LRMDA: variants seen among roughly 807,000 people sequenced by gnomAD.
LRMDA encodes leucine rich melanocyte differentiation associated, also known as leucine-rich melanocyte differentiation-associated protein.
Under a neutral mutation model 29.8 loss-of-function variants are expected in LRMDA, and 18 were observed. The ratio of observed to expected loss-of-function variants is 0.60; its 90% confidence interval spans 0.42 to 0.90. The LOEUF is 0.90. Ranked by LOEUF, LRMDA falls within the 40% of genes least tolerant of loss-of-function variation. The pLI is 0.00. For missense variants in LRMDA, 273 were observed against 273.9 expected, an observed-to-expected ratio of 1.00 and a Z score of 0.02; for synonymous variants, 125 against 109.4, an observed-to-expected ratio of 1.14 and a Z score of -0.89.
chr10:76,324,833 C>T (rs530410408), intron 6 of LRMDA, among the ~76,000 whole-genome samples: 1 of 151,928 alleles, frequency 6.6e-6, no homozygotes, highest in Non-Finnish European at 1.5e-5. Context: ...ATAAAAGTAT[C>T]GTTGTTTGAG....
intron 2 of LRMDA, among the ~76,000 whole-genome samples, chr10:75,545,206 GA>G (rs1840063784): frequency 6.6e-6 from 1 of 152,068 alleles, no homozygotes; most frequent in Non-Finnish European, 1.5e-5. Flanking sequence ...TATCACGTCT[GA>G]AATGTCTTTT....
intron 6 of LRMDA, among the ~76,000 whole-genome samples, chr10:76,514,961 A>C (rs1179763204): frequency 6.6e-6 from 1 of 152,208 alleles, no homozygotes; most frequent in African/African-American, 2.4e-5. Flanking sequence ...AAAACTGCTA[A>C]TAAATGGATG....
At chr10:75,908,007 T>G (rs1241078915) in intron 2 of LRMDA, among the ~76,000 whole-genome samples, 1 of 152,134 alleles carries the variant, frequency 6.6e-6, no homozygotes, top group African/African-American at 2.4e-5. Flanking sequence ...ATGGTGGTGA[T>G]GAGTTGGAGG....
intron 2 of LRMDA, among the ~76,000 whole-genome samples, chr10:76,035,573 T>C (rs1428638048): frequency 6.6e-6 from 1 of 152,202 alleles, no homozygotes; most frequent in African/African-American, 2.4e-5. Flanking sequence ...GGGTATGATA[T>C]TTCTGGGCAG....
intron 2 of LRMDA, among the ~76,000 whole-genome samples, chr10:75,547,832 T>C (rs1840097369): frequency 1.3e-5 from 2 of 152,170 alleles, no homozygotes; most frequent in African/African-American, 4.8e-5. Flanking sequence ...TGGTCTGTGA[T>C]CACAATTGTG....
At chr10:76,511,736 A>G (rs1843010818) in intron 6 of LRMDA, among the ~76,000 whole-genome samples, 2 of 151,878 alleles carry the variant, frequency 1.3e-5, no homozygotes, top group South Asian at 2.1e-4. Flanking sequence ...GAGCAAAATA[A>G]TAGAAAGTCC....
intron 6 of LRMDA, among the ~76,000 whole-genome samples, chr10:76,340,786 G>A (rs764764422): frequency 5.9e-5 from 9 of 152,002 alleles, no homozygotes; most frequent in African/African-American, 1.4e-4. Flanking sequence ...AACACAGAGC[G>A]CAATAAAGAT....
chr10:75,828,232 C>T (rs1844279444), intron 2 of LRMDA, among the ~76,000 whole-genome samples: 1 of 152,174 alleles, frequency 6.6e-6, no homozygotes, highest in Admixed American at 6.5e-5. Context: ...AGTAGATTCT[C>T]TTCAACAGAG....
At chr10:75,716,125 C>G (rs1842496823) in intron 2 of LRMDA, among the ~76,000 whole-genome samples, 2 of 152,208 alleles carry the variant, frequency 1.3e-5, no homozygotes, top group Admixed American at 1.3e-4. Flanking sequence ...TAGGGTTGCA[C>G]ATGAATTTCC....
At chr10:75,947,429 G>A (rs1846495545) in intron 2 of LRMDA, among the ~76,000 whole-genome samples, 1 of 152,148 alleles carries the variant, frequency 6.6e-6, no homozygotes, top group Non-Finnish European at 1.5e-5. Context: ...CAGCCATCCT[G>A]ACAGCAGTGC....
At chr10:75,689,390 C>T (rs761075401) in intron 2 of LRMDA, among the ~76,000 whole-genome samples, 18 of 152,178 alleles carry the variant, frequency 1.2e-4, no homozygotes, top group African/African-American at 3.4e-4. Context: ...GTAGGTTCTT[C>T]GAGGCTGACC....
At chr10:75,651,839 T>G (rs1225198447) in intron 2 of LRMDA, among the ~76,000 whole-genome samples, 1 of 152,188 alleles carries the variant, frequency 6.6e-6, no homozygotes, top group Non-Finnish European at 1.5e-5. Flanking sequence ...AGATATGGTA[T>G]GAGCCCCTAA....
chr10:76,163,854 G>A (rs1020744538), intron 5 of LRMDA, among the ~76,000 whole-genome samples: 15 of 152,118 alleles, frequency 9.9e-5, no homozygotes, highest in African/African-American at 3.4e-4. Flanking sequence ...TGAATCCATT[G>A]TCTCTGTTTT....
chr10:75,848,948 C>G (rs1202124620), intron 2 of LRMDA, among the ~76,000 whole-genome samples: 1 of 152,170 alleles, frequency 6.6e-6, no homozygotes, highest in Non-Finnish European at 1.5e-5. Flanking sequence ...GACCAGCCAG[C>G]TTCCTATTGG....
At chr10:76,295,460 A>G (rs1840399661) in intron 5 of LRMDA, among the ~76,000 whole-genome samples, 1 of 152,200 alleles carries the variant, frequency 6.6e-6, no homozygotes, top group South Asian at 2.1e-4. Flanking sequence ...AGGTTATTAT[A>G]TAGCATTCTC....
At chr10:76,422,906 T>A (rs1045186621) in intron 6 of LRMDA, among the ~76,000 whole-genome samples, 4 of 152,246 alleles carry the variant, frequency 2.6e-5, no homozygotes, top group African/African-American at 9.6e-5. Flanking sequence ...AAAAAAGAAC[T>A]TGCATTCCTG....
chr10:76,086,682 C>T (rs1042673076), intron 5 of LRMDA, among the ~76,000 whole-genome samples: 2 of 151,962 alleles, frequency 1.3e-5, no homozygotes, highest in Non-Finnish European at 2.9e-5. Flanking sequence ...CGTGGAGGGG[C>T]CCGAATGAAA....
At chr10:76,078,366 C>T (rs142016350) in intron 5 of LRMDA, among the ~76,000 whole-genome samples, 2 of 152,020 alleles carry the variant, frequency 1.3e-5, no homozygotes, top group East Asian at 1.9e-4. Context: ...TAAGCACAGA[C>T]GTTCCATAAT....
chr10:76,374,441 A>G (rs1841491366), intron 6 of LRMDA, among the ~76,000 whole-genome samples: 1 of 152,194 alleles, frequency 6.6e-6, no homozygotes, highest in Non-Finnish European at 1.5e-5. Context: ...AAATAATCAA[A>G]ACAGAGCATA....
Sources: gnomAD v4.1 joint callset for allele counts (sites outside exome capture counted in the v4.1 genomes callset) on GRCh38, gnomAD v4.1.1 for gene constraint, MANE v1.5 for transcripts, NCBI Gene and HGNC (gene_info 2026-07-23, HGNC 2026-07-21) for gene names.